The following LRPPRC variants were observed in gnomAD, a reference collection of about 807,000 sequenced individuals.
LRPPRC encodes the protein leucine-rich PPR motif-containing protein, mitochondrial.
In LRPPRC, 120 loss-of-function variants were observed where a neutral mutation model predicts 180.3. The ratio of observed to expected loss-of-function variants is 0.67; its 90% CI spans 0.57 to 0.77. The LOEUF (loss-of-function observed/expected upper bound fraction) is 0.77, where lower values mean the gene tolerates loss of function less well. Ranked by LOEUF, LRPPRC falls within the 30% of genes least tolerant of loss-of-function variation. The probability of loss-of-function intolerance (pLI) is 0.00; values close to 1 mark genes in which losing one functional copy is unlikely to be tolerated. For synonymous variants in LRPPRC, 723 were observed against 600.0 expected (o/e 1.21, Z -3.00); for missense variants, 2,012 against 1,657.2 (o/e 1.21, Z -3.72).
At position 43,934,854 on chromosome 2, in the gene LRPPRC, C is replaced by G; in HGVS notation, c.2529G>C (p.Glu843Asp). The G allele has an allele frequency of 6.2e-7, 1 of 1,613,138 alleles. No individual in the cohort carries two copies. The highest frequency in any genetic ancestry group is 8.5e-7 in the Non-Finnish European group (1 of 1,179,296). Residue 843 changes from glutamate (E) to aspartate (D), a missense_variant, in exon 24 of 38, where the codon GAG (glutamate) becomes GAC (aspartate). By Grantham distance (45) the Glu-to-Asp change is conservative. Transcript: ENST00000260665. ...ACTTTTCATAGCAGTCAATGGCGAC[C>G]TCAAGAGCAGTAGATAGGTCGCCCC... ...LEKGDLSTAL[E>D]VAIDCYEKYK...
intron 1 of LRPPRC, among the ~76,000 whole-genome samples, chr2:43,985,211 T>C (rs1280635932): frequency 6.6e-6 from 1 of 152,286 alleles, no homozygotes; most frequent in East Asian, 1.9e-4. Context: ...CACAATTTTT[T>C]AGTGTTTTTA....
intron 13 of LRPPRC, among the ~76,000 whole-genome samples, chr2:43,958,285 C>T (rs1409865651): frequency 6.6e-6 from 1 of 152,042 alleles, no homozygotes; most frequent in East Asian, 1.9e-4. Context: ...TGTAATGTGG[C>T]TACTGAATAA....
At chr2:43,995,701 G>C in intron 1 of LRPPRC, 98 bp downstream of exon 1, 1 of 1,148,896 alleles carries the variant, frequency 8.7e-7, no homozygotes, top group Non-Finnish European at 1.1e-6. Context: ...CGGGGAGAAG[G>C]GTGGCGAGCA....
Position 43,975,144 on chromosome 2 carries a change from G to A in LRPPRC, c.811C>T (p.Leu271Phe). 7.4e-6 allele frequency: 12 copies of A among 1,613,184 alleles called. No individual in the cohort carries two copies. Among genetic ancestry groups the A allele is most frequent in the Non-Finnish European group, 1.0e-5 (12 of 1,179,386 alleles). The change falls in exon 7 of 38, where the codon CTC (leucine) becomes TTC (phenylalanine). Residue 271 changes from leucine to phenylalanine, a missense_variant. By Grantham distance (22) the Leu-to-Phe change is conservative. Transcript: ENST00000260665. ...AGIEPGPDTY[L>F]ALLNAYAEKG... ...TCAGCATATGCATTCAATAATGCGA[G>A]GTATGTGTCTGGACCAGGCTCAATT...
chr2:43,938,243 G>A (rs1672345217), intron 23 of LRPPRC, among the ~76,000 whole-genome samples: 1 of 151,020 alleles, frequency 6.6e-6, no homozygotes, highest in Non-Finnish European at 1.5e-5. Flanking sequence ...TAATTTTCAT[G>A]CATAAAACTA....
chr2:43,938,745 A>G (rs1672362927), intron 23 of LRPPRC, among the ~76,000 whole-genome samples: 1 of 152,210 alleles, frequency 6.6e-6, no homozygotes, highest in East Asian at 1.9e-4. Context: ...TCTATGGGAC[A>G]TCCACCAATC....
At chr2:43,968,539 C>T (rs764859203) in intron 11 of LRPPRC, among the ~76,000 whole-genome samples, 3 of 152,168 alleles carry the variant, frequency 2.0e-5, no homozygotes, top group Non-Finnish European at 4.4e-5. Flanking sequence ...ATGTCAAACT[C>T]CAAGGTTTCA....
At chr2:43,984,227 G>C (rs11124956) in intron 1 of LRPPRC, among the ~76,000 whole-genome samples, 54,876 of 151,910 alleles carry the variant, frequency 0.36, 10,527 homozygotes, top group Non-Finnish European at 0.43. Flanking sequence ...GGAGGAGTAT[G>C]CAATAATATT....
chr2:43,926,796 C>T (rs1423320961), intron 25 of LRPPRC, among the ~76,000 whole-genome samples: 1 of 152,134 alleles, frequency 6.6e-6, no homozygotes, highest in Admixed American at 6.5e-5. Flanking sequence ...AAACCATTGG[C>T]TTTCGTTTTT....
At chr2:43,971,342 A>G (rs1009120899) in intron 11 of LRPPRC, among the ~76,000 whole-genome samples, 1 of 151,972 alleles carries the variant, frequency 6.6e-6, no homozygotes, top group Non-Finnish European at 1.5e-5. Flanking sequence ...GATAAATACT[A>G]GTAAGATGAG....
In LRPPRC at chr2:43,995,789, G is replaced by A. The variant is rs776310538; in HGVS notation, c.149+10C>T. 2 of 1,378,942 alleles carry A rather than the reference G, an allele frequency of 1.5e-6. No individual in the cohort carries two copies. The highest frequency in any genetic ancestry group is 1.9e-6 in the Non-Finnish European group (2 of 1,077,738). 85.4% of individuals were successfully genotyped at this position (1,378,942 alleles called of 1,614,324 possible). ...CGCAGCTTGCCTGGAGAAAGGGCCT[G>A]GGCACTCACCCGGCCACGGGCCCGG... On this transcript the variant is annotated intron_variant, in intron 1 of 37. Transcript: ENST00000260665.
chr2:43,983,254 G>T (rs996362525), intron 1 of LRPPRC, among the ~76,000 whole-genome samples: 1 of 151,872 alleles, frequency 6.6e-6, no homozygotes, highest in Admixed American at 6.6e-5. Context: ...TATGCAAGTC[G>T]AATGCTCTCT....
intron 14 of LRPPRC, among the ~76,000 whole-genome samples, chr2:43,951,716 GC>G (rs1245343758): frequency 6.6e-6 from 1 of 152,144 alleles, no homozygotes; most frequent in Non-Finnish European, 1.5e-5. Flanking sequence ...GTACATGGCA[GC>G]TCTACTTTCG....
chr2:43,889,560 TC>T (rs1670406081), intron 37 of LRPPRC, among the ~76,000 whole-genome samples, 173 bp downstream of exon 37: 2 of 152,020 alleles, frequency 1.3e-5, no homozygotes, highest in Non-Finnish European at 2.9e-5. Flanking sequence ...AGCTATGTTC[TC>T]CGACTGCCGC....
chr2:43,958,728 C>T (rs1673220929), intron 13 of LRPPRC, among the ~76,000 whole-genome samples: 1 of 152,126 alleles, frequency 6.6e-6, no homozygotes, highest in Non-Finnish European at 1.5e-5. Context: ...CAAGATAATC[C>T]ATTTACTGTT....
intron 14 of LRPPRC, 44 bp from the exon 15 acceptor site, chr2:43,950,644 T>C: frequency 7.5e-7 from 1 of 1,335,852 alleles, no homozygotes; most frequent in Non-Finnish European, 1.1e-6. Flanking sequence ...CAGGTTTATT[T>C]TCAAGTATAT....
chr2:43,934,830 C>A lies in LRPPRC; in HGVS notation c.2553G>T (p.Lys851Asn), dbSNP rs139434328. 4 of 1,612,674 alleles carry A rather than the reference C, an allele frequency of 2.5e-6. No individual in the cohort carries two copies. The highest frequency in any genetic ancestry group is 3.4e-6 in the Non-Finnish European group (4 of 1,178,790). ...CATGAATCCTTGGTAATACTTTATA[C>A]TTTTCATAGCAGTCAATGGCGACCT... Reference protein sequence around the residue: ...ALEVAIDCYEKYKVLPRIHDV... With the variant: ...ALEVAIDCYENYKVLPRIHDV... The change falls in exon 24 of 38, where the codon AAG becomes AAT. Residue 851 changes from lysine (K) to asparagine (N), a missense_variant. By Grantham distance (94) the Lys-to-Asn change is moderately conservative (BLOSUM62 0). Coordinates refer to ENST00000260665, the MANE Select transcript of LRPPRC (RefSeq NM_133259.4).
chr2:43,956,822 G>C (rs550308969), intron 14 of LRPPRC, among the ~76,000 whole-genome samples: 1 of 152,068 alleles, frequency 6.6e-6, no homozygotes, highest in African/African-American at 2.4e-5. Flanking sequence ...CCCAGGAGGC[G>C]GACGTCGCAG....
intron 31 of LRPPRC, chr2:43,902,596 T>G (rs1465162498): frequency 6.6e-6 from 1 of 152,090 alleles, no homozygotes; most frequent in Admixed American, 6.5e-5. Context: ...AAATCTACAA[T>G]CTTAAACCAC....
Sources: gnomAD v4.1 joint callset for allele counts (sites outside exome capture counted in the v4.1 genomes callset) on GRCh38, gnomAD v4.1.1 for gene constraint, MANE v1.5 for transcripts, NCBI Gene and HGNC (gene_info 2026-07-23, HGNC 2026-07-21) for gene names.